The following TSPAN5 variants were observed in gnomAD, a reference collection of about 807,000 sequenced individuals.
TSPAN5 encodes the protein tetraspanin 5.
A neutral mutation model predicts 37.1 loss-of-function variants in TSPAN5; 10 were observed. The ratio of observed to expected loss-of-function variants is 0.27; its 90% confidence interval spans 0.17 to 0.46. TSPAN5 has a LOEUF of 0.46. Among genes scored for constraint, TSPAN5 ranks in the 20% least tolerant of loss-of-function variants. The pLI, the probability that TSPAN5 is intolerant of heterozygous loss-of-function variation, is 1.00. For missense variants in TSPAN5, 195 were observed against 326.6 expected (o/e 0.60, Z 3.11); for synonymous variants, 110 against 118.9 (o/e 0.93, Z 0.48).
intron 1 of TSPAN5, among the ~76,000 whole-genome samples, chr4:98,582,097 T>C (rs1755381232): frequency 1.3e-5 from 2 of 152,176 alleles, no homozygotes; most frequent in Admixed American, 6.5e-5. Context: ...TTGGCATGAA[T>C]GAAGGTTGCC....
chr4:98,627,841 T>C (rs1356883382), intron 1 of TSPAN5, among the ~76,000 whole-genome samples: 2 of 152,156 alleles, frequency 1.3e-5, no homozygotes, highest in African/African-American at 4.8e-5. Flanking sequence ...TGGACTGCTG[T>C]TGTGAGCCAA....
intron 1 of TSPAN5, among the ~76,000 whole-genome samples, chr4:98,577,993 A>C (rs971884508): frequency 4.6e-5 from 7 of 152,242 alleles, no homozygotes; most frequent in Non-Finnish European, 1.0e-4. Context: ...TATTAATTAT[A>C]CCTTAAATCT....
Position 98,472,607 on chromosome 4 carries a change from T to A in TSPAN5, c.742-20A>T. On this transcript the variant is annotated intron_variant, in intron 7 of 7. Transcript: ENST00000305798. ...AAATATCTGAGAAAGGAAGAAAATGTGAGTGAAACAGTGACACTTGTAACT... is the reference window on the plus strand; with the variant it reads ...AAATATCTGAGAAAGGAAGAAAATGAGAGTGAAACAGTGACACTTGTAACT... 6.2e-7 allele frequency: 1 copy of A among 1,606,802 alleles called. No homozygotes were observed. Among genetic ancestry groups the A allele is most frequent in the Non-Finnish European group, 8.5e-7 (1 of 1,174,830 alleles).
intron 7 of TSPAN5, among the ~76,000 whole-genome samples, chr4:98,473,426 G>A (rs546615721): frequency 1.3e-5 from 2 of 151,580 alleles, no homozygotes; most frequent in South Asian, 2.1e-4. Flanking sequence ...TACTGACGTT[G>A]GCATCTTTTC....
At chr4:98,549,398 G>A (rs1754554934) in intron 1 of TSPAN5, among the ~76,000 whole-genome samples, 1 of 151,754 alleles carries the variant, frequency 6.6e-6, no homozygotes, top group African/African-American at 2.4e-5. Context: ...TGCCTCTCGG[G>A]TTTAAGCAAT....
intron 1 of TSPAN5, among the ~76,000 whole-genome samples, chr4:98,603,952 A>C (rs1441348288): frequency 3.9e-5 from 6 of 152,164 alleles, no homozygotes; most frequent in Non-Finnish European, 8.8e-5. Context: ...CTTGAGAAAC[A>C]ACTACTTTCT....
chr4:98,585,638 A>G (rs1219206912), intron 1 of TSPAN5, among the ~76,000 whole-genome samples: 2 of 152,158 alleles, frequency 1.3e-5, no homozygotes, highest in African/African-American at 4.8e-5. Flanking sequence ...GTCCATGTGT[A>G]TCCATTGTTT....
intron 1 of TSPAN5, among the ~76,000 whole-genome samples, chr4:98,566,324 T>G: frequency 6.7e-6 from 1 of 150,068 alleles, no homozygotes; most frequent in African/African-American, 2.5e-5. Context: ...AATCTCTAGC[T>G]TGGCTTGTAA....
intron 2 of TSPAN5, among the ~76,000 whole-genome samples, chr4:98,495,792 A>G (rs1248724716): frequency 1.3e-5 from 2 of 151,872 alleles, no homozygotes; most frequent in African/African-American, 2.4e-5. Context: ...ACCAGCACAG[A>G]GGAGCCTCTG....
Position 98,479,791 on chromosome 4 carries a change from T to C in TSPAN5, c.451-981A>G, listed in dbSNP as rs546691141. ...CTAATATCTTGCTAATCATAGGTTGTGGAAAGACTGTGTTTCTGTTTTAAG... is the reference window on the plus strand; with the variant it reads ...CTAATATCTTGCTAATCATAGGTTGCGGAAAGACTGTGTTTCTGTTTTAAG... On this transcript the variant is annotated intron_variant, in intron 4 of 7. Coordinates refer to ENST00000305798, the MANE Select transcript of TSPAN5 (RefSeq NM_005723.4). Among the ~76,000 whole-genome samples, 65 of 152,362 alleles carry C rather than the reference T, an allele frequency of 4.3e-4. 1 individual carries two copies. The highest frequency in any genetic ancestry group is 1.9e-3 in the East Asian group (10 of 5,194).
At chr4:98,635,703 A>G (rs1756842479) in intron 1 of TSPAN5, among the ~76,000 whole-genome samples, 1 of 152,244 alleles carries the variant, frequency 6.6e-6, no homozygotes, top group Non-Finnish European at 1.5e-5. Flanking sequence ...AAACTGAAAA[A>G]GCACAACATG....
rs78274079 is a variant in TSPAN5, at chr4:98,628,622, G to A, written c.81+29524C>T. ...GCTAATGGAAACCAGCTCCCTGATA[G>A]GCATGGCAGAAGCATTGCTGACCCC... On this transcript the variant is annotated intron_variant, in intron 1 of 7. Coordinates refer to ENST00000305798, the MANE Select transcript of TSPAN5 (RefSeq NM_005723.4). Among the ~76,000 whole-genome samples the A allele has an allele frequency of 2.1e-3, 319 of 152,306 alleles. 1 individual carries two copies. Among genetic ancestry groups the A allele is most frequent in the African/African-American group, 7.3e-3 (302 of 41,568 alleles).
chr4:98,653,840 G>C (rs1296624624), intron 1 of TSPAN5, among the ~76,000 whole-genome samples: 1 of 152,134 alleles, frequency 6.6e-6, no homozygotes, highest in Non-Finnish European at 1.5e-5. Flanking sequence ...TTCAAAGATG[G>C]CCACAACCTA....
chr4:98,625,679 T>C (rs1318529552), intron 1 of TSPAN5, among the ~76,000 whole-genome samples: 2 of 152,236 alleles, frequency 1.3e-5, no homozygotes, highest in Non-Finnish European at 2.9e-5. Flanking sequence ...TCATCCGACC[T>C]ACTCCCTGAA....
In TSPAN5 at chr4:98,609,270, T is replaced by TGGGGGGTGAGCTCTGGGTGTTG. The variant is rs35152720; in HGVS notation, c.81+48875_81+48876insCAACACCCAGAGCTCACCCCCC. Among the ~76,000 whole-genome samples, 147 of 152,086 alleles carry TGGGGGGTGAGCTCTGGGTGTTG rather than the reference T, an allele frequency of 9.7e-4. 2 individuals carry two copies. In the East Asian group the frequency reaches 0.023, roughly 24 times the overall value. Reference sequence around the variant, plus strand: ...GCCTGACTATTTAGGTCGGATTTGCTGGGGGTGAGCTCTGGGTGTTGGGAG... The same window carrying TGGGGGGTGAGCTCTGGGTGTTG: ...GCCTGACTATTTAGGTCGGATTTGCTGGGGGGTGAGCTCTGGGTGTTGGGGGGTGAGCTCTGGGTGTTGGGAG... On this transcript the variant is annotated intron_variant, in intron 1 of 7. Coordinates refer to ENST00000305798, the MANE Select transcript of TSPAN5 (RefSeq NM_005723.4).
chr4:98,503,624 C>T (rs1052028273), intron 2 of TSPAN5, among the ~76,000 whole-genome samples: 1 of 152,216 alleles, frequency 6.6e-6, no homozygotes, highest in Non-Finnish European at 1.5e-5. Flanking sequence ...AAATGCTGAG[C>T]ACTTTGCTGT....
chr4:98,494,762 C>T (rs947603837), intron 2 of TSPAN5, among the ~76,000 whole-genome samples: 1 of 152,078 alleles, frequency 6.6e-6, no homozygotes, highest in African/African-American at 2.4e-5. Context: ...AACTGTTTTG[C>T]TCTGGGTACT....
chr4:98,501,364 C>G (rs941850836), intron 2 of TSPAN5, among the ~76,000 whole-genome samples: 12 of 152,184 alleles, frequency 7.9e-5, no homozygotes, highest in African/African-American at 2.9e-4. Flanking sequence ...TTAAAGAATG[C>G]TGTCATTGCT....
At chr4:98,529,245 CTA>C (rs1258627829) in intron 1 of TSPAN5, among the ~76,000 whole-genome samples, 2 of 152,232 alleles carry the variant, frequency 1.3e-5, no homozygotes, top group African/African-American at 4.8e-5. Context: ...TAACCGCCTA[CTA>C]CATATCTCCA....
Sources: allele counts gnomAD v4.1 joint callset (sites outside exome capture counted in the v4.1 genomes callset), GRCh38; gene constraint gnomAD v4.1.1; transcripts MANE v1.5; gene names NCBI Gene and HGNC (gene_info 2026-07-23, HGNC 2026-07-21).